The following NME7 variants were observed in gnomAD, a reference collection of about 807,000 sequenced individuals.
NME7 encodes the protein nucleoside diphosphate kinase 7.
In NME7, 41 loss-of-function variants were observed where a neutral mutation model predicts 49.1. The ratio of observed to expected loss-of-function variants is 0.83; its 90% CI spans 0.65 to 1.08. The LOEUF is 1.08. Ranked by LOEUF, NME7 falls within the 50% of genes least tolerant of loss-of-function variation. NME7 has a pLI of 0.00. For synonymous variants in NME7, 139 were observed against 150.6 expected (o/e 0.92, Z 0.56); for missense variants, 423 against 463.4 (o/e 0.91, Z 0.80).
chr1:169,167,740 G>C (rs901502447), intron 11 of NME7, among the ~76,000 whole-genome samples: 2 of 152,070 alleles, frequency 1.3e-5, no homozygotes, highest in African/African-American at 2.4e-5. Context: ...CTCAATTTCA[G>C]TTTCCTAAAA....
chr1:169,366,728 C>G (rs1653874916), intron 1 of NME7, among the ~76,000 whole-genome samples: 1 of 152,066 alleles, frequency 6.6e-6, no homozygotes, highest in South Asian at 2.1e-4. Flanking sequence ...CTGTTATACT[C>G]CATCATGTTT....
chr1:169,345,762 C>G (rs1652931026), intron 1 of NME7, among the ~76,000 whole-genome samples: 1 of 152,160 alleles, frequency 6.6e-6, no homozygotes, highest in Admixed American at 6.5e-5. Flanking sequence ...AGACCACTCC[C>G]TCTAAATTTT....
chr1:169,314,283 A>G (rs1651525390), intron 3 of NME7, among the ~76,000 whole-genome samples: 2 of 152,064 alleles, frequency 1.3e-5, no homozygotes, highest in Non-Finnish European at 2.9e-5. Flanking sequence ...AATACACAAC[A>G]AAAACAGCAT....
At chr1:169,358,462 A>T (rs1030367830) in intron 1 of NME7, among the ~76,000 whole-genome samples, 1 of 152,100 alleles carries the variant, frequency 6.6e-6, no homozygotes, top group Non-Finnish European at 1.5e-5. Flanking sequence ...TTTGTACTTC[A>T]ACAAGCTACA....
intron 1 of NME7, among the ~76,000 whole-genome samples, chr1:169,359,670 T>C (rs1338731152): frequency 1.3e-5 from 2 of 152,028 alleles, no homozygotes; most frequent in Non-Finnish European, 2.9e-5. Flanking sequence ...TATAAACATA[T>C]ATAAAACATA....
At chr1:169,328,817 T>A (rs187297734) in intron 1 of NME7, among the ~76,000 whole-genome samples, 1 of 152,226 alleles carries the variant, frequency 6.6e-6, no homozygotes, top group Non-Finnish European at 1.5e-5. Context: ...TGCACATTCA[T>A]CATTAGTTTT....
At chr1:169,236,393 T>A (rs1230411234) in intron 8 of NME7, among the ~76,000 whole-genome samples, 1 of 152,164 alleles carries the variant, frequency 6.6e-6, no homozygotes, top group Non-Finnish European at 1.5e-5. Context: ...AGTCCACGAC[T>A]GTGTTTGCTA....
chr1:169,212,357 T>C (rs1467118868), intron 10 of NME7, among the ~76,000 whole-genome samples: 1 of 152,128 alleles, frequency 6.6e-6, no homozygotes, highest in African/African-American at 2.4e-5. Context: ...ATAGAAAATA[T>C]AGTCAATCCC....
intron 10 of NME7, among the ~76,000 whole-genome samples, chr1:169,188,672 A>C (rs575036629): frequency 9.8e-5 from 15 of 152,322 alleles, no homozygotes; most frequent in South Asian, 6.2e-4. Flanking sequence ...GACTTAAAGA[A>C]CAGGTATAGA....
intron 1 of NME7, among the ~76,000 whole-genome samples, chr1:169,357,044 T>C (rs1444700112): frequency 6.6e-6 from 1 of 152,122 alleles, no homozygotes; most frequent in African/African-American, 2.4e-5. Flanking sequence ...GTAACAGTAA[T>C]AACAGCAAAC....
At chr1:169,208,492 T>A (rs1660731533) in intron 10 of NME7, among the ~76,000 whole-genome samples, 1 of 152,014 alleles carries the variant, frequency 6.6e-6, no homozygotes, top group Admixed American at 6.6e-5. Context: ...AGTTTAACAG[T>A]GAAAAGGATA....
intron 11 of NME7, among the ~76,000 whole-genome samples, chr1:169,146,799 G>A (rs1658768011): frequency 6.6e-6 from 1 of 152,036 alleles, no homozygotes; most frequent in Admixed American, 6.6e-5. Flanking sequence ...CACACTAAGG[G>A]GTGAACTACA....
intron 7 of NME7, 46 bp from the exon 8 acceptor site, chr1:169,237,733 A>T (rs766991240): frequency 6.6e-6 from 10 of 1,507,582 alleles, no homozygotes; most frequent in African/African-American, 1.4e-5. Context: ...ATTTTAAGAC[A>T]TTTTAGTTTC....
intron 1 of NME7, among the ~76,000 whole-genome samples, chr1:169,340,865 G>C (rs1243805991): frequency 2.6e-5 from 4 of 152,218 alleles, no homozygotes; most frequent in African/African-American, 9.6e-5. Flanking sequence ...AAGCATTCAA[G>C]AGGTGACCTG....
At chr1:169,349,973 C>T (rs1053569483) in intron 1 of NME7, among the ~76,000 whole-genome samples, 1 of 151,898 alleles carries the variant, frequency 6.6e-6, no homozygotes, top group Non-Finnish European at 1.5e-5. Flanking sequence ...GATGGATTGC[C>T]TGAGGACAGG....
intron 1 of NME7, among the ~76,000 whole-genome samples, chr1:169,342,850 TATATATATATACAA>T (rs1652802384): frequency 1.2e-5 from 1 of 80,694 alleles, no homozygotes; most frequent in Non-Finnish European, 2.4e-5. Flanking sequence ...ATATATATAG[TATATATATATACAA>T]GTACATATAT....
chr1:169,184,760 G>A (rs1366552169), intron 10 of NME7, among the ~76,000 whole-genome samples: 1 of 149,682 alleles, frequency 6.7e-6, no homozygotes, highest in Non-Finnish European at 1.5e-5. Context: ...AGTCTTATAA[G>A]AAGTCAGACA....
chr1:169,276,603 G>A lies in NME7; in HGVS notation c.754+10700C>T, dbSNP rs191245965. ...TTTTTTCTTTATTAGTCTTGCTAGCGGTCTATCAATTTTGCTGATCCTTTC... is the reference window on the plus strand; with the variant it reads ...TTTTTTCTTTATTAGTCTTGCTAGCAGTCTATCAATTTTGCTGATCCTTTC... On this transcript the variant is annotated intron_variant, in intron 7 of 11. Transcript: ENST00000367811. 2.0e-3 allele frequency among the ~76,000 whole-genome samples: 260 copies of A among 131,316 alleles called. 27 individuals are homozygous for A. Among genetic ancestry groups the A allele is most frequent in the African/African-American group, 6.4e-3 (250 of 39,102 alleles). The allele number at this position is 131,316 out of a possible 152,430, so 86.1% of individuals were successfully genotyped here.
chr1:169,144,723 C>T (rs1164641352), intron 11 of NME7, among the ~76,000 whole-genome samples: 2 of 152,052 alleles, frequency 1.3e-5, no homozygotes, highest in Non-Finnish European at 2.9e-5. Context: ...CTGAGAAGGA[C>T]CAAAATTATC....
Sources: gnomAD v4.1 joint callset for allele counts (sites outside exome capture counted in the v4.1 genomes callset) on GRCh38, gnomAD v4.1.1 for gene constraint, MANE v1.5 for transcripts, NCBI Gene and HGNC (gene_info 2026-07-23, HGNC 2026-07-21) for gene names.